Variants in SQOR observed in about 807,000 individuals in gnomAD.
SQOR encodes sulfide:quinone oxidoreductase, mitochondrial.
SQOR carries 39 observed loss-of-function variants against 48.6 expected under a neutral mutation model. The ratio of observed to expected loss-of-function variants is 0.80; its 90% confidence interval spans 0.62 to 1.05. SQOR has a LOEUF of 1.05. SQOR is among the 50% of genes least tolerant of loss of function. SQOR has a pLI of 0.00. For missense variants in SQOR, 561 were observed against 559.9 expected, an observed-to-expected ratio of 1.00 and a Z score of -0.02; for synonymous variants, 220 against 206.2, an observed-to-expected ratio of 1.07 and a Z score of -0.57.
At position 45,688,958 on chromosome 15, in the gene SQOR, A is replaced by T. The variant is rs1313779241; in HGVS notation, c.1117-81A>T. On this transcript the variant is annotated intron_variant, in intron 8 of 9. Transcript: ENST00000260324. ...AAAGAAAAAATATATAAGCACTCAC[A>T]GCAAATAATAAATTCTATAGTGTTA... 4 of 1,159,802 alleles carry T rather than the reference A, an allele frequency of 3.4e-6. No homozygotes were observed. In the Admixed American group the frequency reaches 9.9e-5, roughly 29 times the overall value. 71.8% of individuals were successfully genotyped at this position (1,159,802 alleles called of 1,614,324 possible). A position where few individuals can be genotyped will look rare whatever the true frequency, so the allele number is the denominator to read the frequency against.
intron 7 of SQOR, among the ~76,000 whole-genome samples, chr15:45,683,026 CAAA>C (rs34072446): frequency 1.0e-4 from 12 of 119,880 alleles, no homozygotes; most frequent in Admixed American, 1.7e-4. Context: ...GGCTTCATCT[CAAA>C]AAAAAAAAAA....
intron 1 of SQOR, among the ~76,000 whole-genome samples, chr15:45,643,563 T>A (rs1895143765): frequency 6.6e-6 from 1 of 152,198 alleles, no homozygotes; most frequent in Non-Finnish European, 1.5e-5. Context: ...TTCACAAAGA[T>A]ACACTTACAT....
intron 3 of SQOR, among the ~76,000 whole-genome samples, chr15:45,666,270 A>G (rs1011422380): frequency 9.2e-5 from 14 of 152,200 alleles, no homozygotes; most frequent in Admixed American, 6.5e-4. Context: ...TTGATGTGCT[A>G]TCACAGCATT....
At chr15:45,676,417 A>G in intron 6 of SQOR, 107 bp downstream of exon 6, 1 of 1,157,546 alleles carries the variant, frequency 8.6e-7, no homozygotes, top group Non-Finnish European at 1.2e-6. Context: ...GTGCTGGGGA[A>G]GACTGGGTGA....
chr15:45,689,269 C>T, intron 9 of SQOR, 52 bp downstream of exon 9: 1 of 1,581,640 alleles, frequency 6.3e-7, no homozygotes, highest in Middle Eastern at 1.7e-4. Context: ...TAGCACATCT[C>T]CACCCAAAGG....
At chr15:45,670,798 G>A (rs1371031743) in intron 4 of SQOR, among the ~76,000 whole-genome samples, 1 of 152,206 alleles carries the variant, frequency 6.6e-6, no homozygotes, top group Non-Finnish European at 1.5e-5. Flanking sequence ...AAAGTTCAGA[G>A]AAGCTACAAG....
intron 1 of SQOR, among the ~76,000 whole-genome samples, chr15:45,653,133 A>G (rs999826501): frequency 5.9e-5 from 9 of 152,084 alleles, no homozygotes; most frequent in East Asian, 1.9e-4. Context: ...TTCAATACCA[A>G]TCAATACCAA....
At chr15:45,674,999 C>T (rs1263781493) in intron 5 of SQOR, among the ~76,000 whole-genome samples, 1 of 152,166 alleles carries the variant, frequency 6.6e-6, no homozygotes, top group African/African-American at 2.4e-5. Context: ...TAAACTGCAA[C>T]AACCCTGTGA....
At chr15:45,677,253 A>G (rs555061732) in intron 6 of SQOR, among the ~76,000 whole-genome samples, 3 of 151,318 alleles carry the variant, frequency 2.0e-5, no homozygotes, top group East Asian at 1.9e-4. Context: ...CTATCTATCT[A>G]TCCATCCATA....
chr15:45,654,978 A>G (rs182041758), intron 1 of SQOR, among the ~76,000 whole-genome samples: 231 of 152,290 alleles, frequency 1.5e-3, no homozygotes, highest in African/African-American at 5.5e-3. Context: ...TACTGTACAC[A>G]TGGCTGACAA....
At chr15:45,632,608 C>T (rs534601289), upstream of SQOR, among the ~76,000 whole-genome samples, 68 of 152,224 alleles carry the variant, frequency 4.5e-4, no homozygotes, top group African/African-American at 1.6e-3. Flanking sequence ...GACTCCTTCC[C>T]GCCTGCATCC....
intron 1 of SQOR, among the ~76,000 whole-genome samples, chr15:45,649,493 T>C (rs1303129395): frequency 6.6e-6 from 1 of 152,214 alleles, no homozygotes; most frequent in African/African-American, 2.4e-5. Context: ...TTCTTTTTTT[T>C]GAGACAGAGT....
intron 2 of SQOR, among the ~76,000 whole-genome samples, chr15:45,659,553 C>T (rs893005833): frequency 6.6e-6 from 1 of 152,142 alleles, no homozygotes; most frequent in Non-Finnish European, 1.5e-5. Flanking sequence ...GTGGCTTTGT[C>T]TCATGCCTCT....
intron 5 of SQOR, among the ~76,000 whole-genome samples, chr15:45,675,334 C>T (rs1890016684): frequency 6.6e-6 from 1 of 151,998 alleles, no homozygotes; most frequent in African/African-American, 2.4e-5. Context: ...GAATATTGGC[C>T]TCTCTGAACA....
At chr15:45,646,937 T>G (rs1252844842) in intron 1 of SQOR, among the ~76,000 whole-genome samples, 1 of 152,250 alleles carries the variant, frequency 6.6e-6, no homozygotes, top group Non-Finnish European at 1.5e-5. Context: ...TATTGTACCT[T>G]GCCCTTCTCT....
chr15:45,636,736 G>A (rs1212118380), intron 1 of SQOR, among the ~76,000 whole-genome samples: 1 of 152,100 alleles, frequency 6.6e-6, no homozygotes, highest in Non-Finnish European at 1.5e-5. Flanking sequence ...CAAAGTCTTA[G>A]TATTGCCAAT....
Position 45,682,518 on chromosome 15 carries a change from A to G in SQOR, c.905A>G (p.Asp302Gly). ...GTCACACCTCCAATGAGCCCACCAGATGTCCTCAAGACCAGTCCTGTGGCT... is the reference window on the plus strand; with the variant it reads ...GTCACACCTCCAATGAGCCCACCAGGTGTCCTCAAGACCAGTCCTGTGGCT... ...LHVTPPMSPP[D>G]VLKTSPVADA... Residue 302 changes from aspartate (D) to glycine (G), a missense_variant, in exon 7 of 10, where the codon GAT (aspartate) becomes GGT (glycine). Physicochemically the swap from Asp to Gly is moderately conservative, Grantham distance 94 (BLOSUM62 -1). Transcript: ENST00000260324. The G allele has an allele frequency of 1.2e-6, 2 of 1,614,216 alleles. No homozygotes were observed. The highest frequency in any genetic ancestry group is 1.7e-6 in the Non-Finnish European group (2 of 1,180,030).
intron 8 of SQOR, among the ~76,000 whole-genome samples, chr15:45,688,615 G>A (rs774765429): frequency 3.3e-5 from 5 of 151,584 alleles, no homozygotes; most frequent in Non-Finnish European, 7.4e-5. Flanking sequence ...GGGTTCAAGC[G>A]ATTCTCCTGC....
intron 8 of SQOR, 72 bp downstream of exon 8, chr15:45,688,476 C>A: frequency 1.6e-5 from 18 of 1,094,528 alleles, no homozygotes; most frequent in Middle Eastern, 2.1e-4. Context: ...TGTTTTCCCA[C>A]AATTTTGCAC....
Sources: gnomAD v4.1 joint callset for allele counts (sites outside exome capture counted in the v4.1 genomes callset) on GRCh38, gnomAD v4.1.1 for gene constraint, MANE v1.5 for transcripts, NCBI Gene and HGNC (gene_info 2026-07-23, HGNC 2026-07-21) for gene names.